The following CPPED1 variants were observed in gnomAD, a reference collection of about 807,000 sequenced individuals.
CPPED1 encodes the protein serine/threonine-protein phosphatase CPPED1.
CPPED1 carries 28 observed loss-of-function variants against 28.0 expected under a neutral mutation model. The ratio of observed to expected loss-of-function variants is 1.00; its 90% CI spans 0.74 to 1.37. The LOEUF is 1.37. CPPED1 is among the 40% of genes most tolerant of loss of function. The probability of loss-of-function intolerance (pLI) is 0.00; values close to 1 mark genes in which losing one functional copy is unlikely to be tolerated. For synonymous variants in CPPED1, 198 were observed against 180.2 expected (o/e 1.10, Z -0.79); for missense variants, 504 against 416.5 (o/e 1.21, Z -1.83).
chr16:12,720,048 A>T (rs2080130774), intron 2 of CPPED1, among the ~76,000 whole-genome samples: 2 of 152,188 alleles, frequency 1.3e-5, no homozygotes, highest in Admixed American at 6.5e-5. Flanking sequence ...TGTTTTTATC[A>T]GGCCATTATT....
At chr16:12,803,684 C>T (rs1415910754) in intron 1 of CPPED1, 23 bp downstream of exon 1, 5 of 1,514,748 alleles carry the variant, frequency 3.3e-6, no homozygotes, top group Non-Finnish European at 2.7e-6. Context: ...GAGTCCCCTC[C>T]CCGGGTGAGG....
chr16:12,701,621 G>A (rs1267948517), intron 3 of CPPED1, among the ~76,000 whole-genome samples: 1 of 152,172 alleles, frequency 6.6e-6, no homozygotes, highest in Admixed American at 6.5e-5. Flanking sequence ...AAGGGCCCTG[G>A]ACACTGCAGT....
chr16:12,689,971 C>A (rs1291201984), intron 3 of CPPED1, among the ~76,000 whole-genome samples: 3 of 152,196 alleles, frequency 2.0e-5, no homozygotes, highest in Admixed American at 6.5e-5. Flanking sequence ...CAGTAACAAC[C>A]ATTTTATCAA....
At chr16:12,675,161 T>C (rs1014161488) in intron 3 of CPPED1, among the ~76,000 whole-genome samples, 2 of 152,220 alleles carry the variant, frequency 1.3e-5, no homozygotes, top group Non-Finnish European at 2.9e-5. Context: ...TTAATAAATC[T>C]TGGTTTCCCT....
chr16:12,731,549 C>G (rs1398586722), intron 2 of CPPED1, among the ~76,000 whole-genome samples: 1 of 151,874 alleles, frequency 6.6e-6, no homozygotes, highest in Non-Finnish European at 1.5e-5. Flanking sequence ...AGAAGCCAGG[C>G]AGAGCCCTCC....
At chr16:12,773,427 A>G (rs2080480755) in intron 2 of CPPED1, among the ~76,000 whole-genome samples, 1 of 152,224 alleles carries the variant, frequency 6.6e-6, no homozygotes, top group African/African-American at 2.4e-5. Context: ...TTAATACATT[A>G]AAAAGTGGCC....
chr16:12,678,670 G>A (rs916483538), intron 3 of CPPED1, among the ~76,000 whole-genome samples: 1 of 151,972 alleles, frequency 6.6e-6, no homozygotes, highest in Non-Finnish European at 1.5e-5. Flanking sequence ...AATTATTTTT[G>A]TAATTTCACT....
intron 2 of CPPED1, 121 bp downstream of exon 2, chr16:12,781,064 C>T (rs934073217): frequency 5.0e-5 from 38 of 753,000 alleles, no homozygotes; most frequent in Admixed American, 2.8e-4. Flanking sequence ...AATCATGAAG[C>T]GAAAGAACGG....
At chr16:12,718,530 C>A (rs1596458567) in intron 2 of CPPED1, among the ~76,000 whole-genome samples, 2 of 121,938 alleles carry the variant, frequency 1.6e-5, no homozygotes, top group Non-Finnish European at 1.6e-5. Context: ...CAGAGCAAGA[C>A]TCTGTCTTAA....
intron 3 of CPPED1, among the ~76,000 whole-genome samples, chr16:12,674,480 G>T: frequency 6.6e-6 from 1 of 152,264 alleles, no homozygotes; most frequent in Middle Eastern, 3.4e-3. Flanking sequence ...AGGGAGGCCC[G>T]GAAGTTCTGA....
chr16:12,782,051 G>A (rs1423120674), intron 1 of CPPED1, among the ~76,000 whole-genome samples: 1 of 152,104 alleles, frequency 6.6e-6, no homozygotes, highest in East Asian at 1.9e-4. Flanking sequence ...GTGTGAGGCT[G>A]GGGGTGGGGA....
Position 12,709,949 on chromosome 16 carries a change from A to C in CPPED1, c.290-4900T>G, listed in dbSNP as rs2080071611. Among the ~76,000 whole-genome samples, 1 of 146,676 alleles carries C rather than the reference A, an allele frequency of 6.8e-6. No homozygotes were observed. The highest frequency in any genetic ancestry group is 2.5e-5 in the African/African-American group (1 of 39,762). On this transcript the variant is annotated intron_variant, in intron 2 of 3. Coordinates refer to ENST00000381774, the MANE Select transcript of CPPED1 (RefSeq NM_018340.3). The surrounding 1 kb of genome is among the most constrained non-coding windows in gnomAD (Gnocchi z 4.4). ...GGGAAGGAAGGGAAGGAAGGGAGGA[A>C]GGAAAGAAGGGAAGGAAGGCAAGGA...
chr16:12,802,749 G>C (rs918798510), intron 1 of CPPED1, among the ~76,000 whole-genome samples: 1 of 152,234 alleles, frequency 6.6e-6, no homozygotes, highest in African/African-American at 2.4e-5. Flanking sequence ...TAAAGAAGCA[G>C]AAAACAGCAA....
chr16:12,733,933 C>A (rs1249968779), intron 2 of CPPED1, among the ~76,000 whole-genome samples: 2 of 152,090 alleles, frequency 1.3e-5, no homozygotes, highest in East Asian at 3.8e-4. Flanking sequence ...AAATCATAAC[C>A]TCGTTTTTGC....
intron 3 of CPPED1, among the ~76,000 whole-genome samples, chr16:12,665,497 A>C (rs1023633904): frequency 2.0e-5 from 3 of 152,184 alleles, no homozygotes; most frequent in Admixed American, 2.0e-4. Context: ...TGTATTTTAA[A>C]AATAACATTT....
intron 2 of CPPED1, among the ~76,000 whole-genome samples, chr16:12,718,601 C>G (rs986296695): frequency 6.7e-6 from 1 of 150,348 alleles, no homozygotes; most frequent in African/African-American, 2.4e-5. Context: ...TTGGTGAGAG[C>G]ATGGGGATAC....
chr16:12,777,374 CT>C (rs1008314615), intron 2 of CPPED1, among the ~76,000 whole-genome samples: 1 of 152,184 alleles, frequency 6.6e-6, no homozygotes, highest in African/African-American at 2.4e-5. Context: ...TTGCTGAAAT[CT>C]AACAAGGCTT....
intron 2 of CPPED1, 174 bp downstream of exon 2, chr16:12,781,011 A>G: frequency 1.6e-6 from 1 of 607,202 alleles, no homozygotes; most frequent in South Asian, 2.0e-5. Flanking sequence ...AACTCTAAAT[A>G]TAACATGAGT....
chr16:12,713,206 C>G (rs2080088946), intron 2 of CPPED1, among the ~76,000 whole-genome samples: 1 of 151,704 alleles, frequency 6.6e-6, no homozygotes, highest in Admixed American at 6.6e-5. Flanking sequence ...ATTACATTTT[C>G]AAAAAGAGAG....
Sources: allele counts gnomAD v4.1 joint callset (sites outside exome capture counted in the v4.1 genomes callset), GRCh38; gene constraint gnomAD v4.1.1; non-coding constraint Gnocchi (gnomAD v3.1); transcripts MANE v1.5; gene names NCBI Gene and HGNC (gene_info 2026-07-23, HGNC 2026-07-21).